The following CAPZB variants were observed in gnomAD, a reference collection of about 807,000 sequenced individuals.
CAPZB encodes capping actin protein of muscle Z-line subunit beta, also known as F-actin-capping protein subunit beta.
In CAPZB, 2 loss-of-function variants were observed where a neutral mutation model predicts 38.1. The observed-to-expected ratio is 0.05, with a 90% CI of 0.02 to 0.17. The LOEUF (loss-of-function observed/expected upper bound fraction) is 0.17. CAPZB is among the 10% of genes least tolerant of loss of function. The pLI is 1.00. For missense variants in CAPZB, 161 were observed against 334.2 expected (o/e 0.48, Z 4.04); for synonymous variants, 107 against 127.4 (o/e 0.84, Z 1.08).
intron 1 of CAPZB, chr1:19,484,714 G>A (rs1239050445): frequency 1.9e-6 from 2 of 1,072,936 alleles, no homozygotes; most frequent in Non-Finnish European, 2.3e-6. Flanking sequence ...CTGATGAGAG[G>A]CTCAGGGCGG....
At chr1:19,402,775 C>T (rs563263606) in intron 2 of CAPZB, among the ~76,000 whole-genome samples, 9 of 152,242 alleles carry the variant, frequency 5.9e-5, no homozygotes, top group African/African-American at 1.9e-4. Flanking sequence ...TGGCTGGGAG[C>T]GGTGGCTCAC....
At chr1:19,402,846 G>A (rs1158740795) in intron 2 of CAPZB, among the ~76,000 whole-genome samples, 2 of 152,136 alleles carry the variant, frequency 1.3e-5, no homozygotes, top group Admixed American at 6.5e-5. Flanking sequence ...TCAGGAGTTC[G>A]AGACCAGCAT....
chr1:19,468,643 C>CA (rs570846348), intron 1 of CAPZB, among the ~76,000 whole-genome samples: 241 of 152,266 alleles, frequency 1.6e-3, no homozygotes, highest in Non-Finnish European at 8.2e-4. Flanking sequence ...AGCCTCCTTC[C>CA]ACCCAGGACT....
chr1:19,482,149 A>G (rs1350030428), intron 1 of CAPZB, among the ~76,000 whole-genome samples: 1 of 152,140 alleles, frequency 6.6e-6, no homozygotes, highest in Non-Finnish European at 1.5e-5. Context: ...ATGGAATGTA[A>G]AAGTATAGGA....
intron 1 of CAPZB, among the ~76,000 whole-genome samples, chr1:19,467,874 G>C (rs148636685): frequency 2.0e-5 from 3 of 152,298 alleles, no homozygotes; most frequent in Admixed American, 2.0e-4. Flanking sequence ...CTGGGAACTA[G>C]AGCTTGAAAA....
At chr1:19,434,903 A>C (rs947038466) in intron 1 of CAPZB, among the ~76,000 whole-genome samples, 7 of 151,928 alleles carry the variant, frequency 4.6e-5, no homozygotes, top group African/African-American at 1.7e-4. Flanking sequence ...TGGGGGACAA[A>C]ACACCCAAAA....
intron 1 of CAPZB, among the ~76,000 whole-genome samples, chr1:19,457,900 A>G (rs1278284385): frequency 6.6e-6 from 1 of 152,206 alleles, no homozygotes; most frequent in African/African-American, 2.4e-5. Context: ...AAAGGGCAAC[A>G]TCAGGGAAGT....
At chr1:19,396,976 T>C (rs2094274522) in intron 2 of CAPZB, among the ~76,000 whole-genome samples, 1 of 151,724 alleles carries the variant, frequency 6.6e-6, no homozygotes, top group Non-Finnish European at 1.5e-5. Context: ...AAAAAGATTA[T>C]CGTATTGGCT....
intron 4 of CAPZB, among the ~76,000 whole-genome samples, chr1:19,368,026 A>G (rs2094099586): frequency 1.3e-5 from 2 of 152,206 alleles, no homozygotes; most frequent in Non-Finnish European, 2.9e-5. Flanking sequence ...TGGGCTTCCA[A>G]GTCATCACTC....
intron 2 of CAPZB, among the ~76,000 whole-genome samples, chr1:19,391,115 G>A (rs2094232041): frequency 1.3e-5 from 2 of 151,458 alleles, no homozygotes; most frequent in East Asian, 1.9e-4. Context: ...CTGATCACAC[G>A]AAGAGATACA....
At chr1:19,350,956 GTTTT>G (rs59455258) in intron 6 of CAPZB, among the ~76,000 whole-genome samples, 37,308 of 150,590 alleles carry the variant, frequency 0.25, 4,802 homozygotes, top group East Asian at 0.34. Flanking sequence ...GTGTAAAACA[GTTTT>G]TTGTTTCTAC....
At chr1:19,418,308 G>C (rs777588528) in intron 2 of CAPZB, among the ~76,000 whole-genome samples, 2 of 152,072 alleles carry the variant, frequency 1.3e-5, no homozygotes, top group African/African-American at 2.4e-5. Context: ...CTTCCCACAG[G>C]GGCCTGTGCC....
At position 19,452,787 on chromosome 1, in the gene CAPZB, T is replaced by G. The variant is rs563564397; in HGVS notation, c.3+32649A>C. On this transcript the variant is annotated intron_variant, in intron 1 of 8. Transcript: ENST00000264202. The stretch of plus-strand genomic sequence containing the variant: ...CCCCACCTTCGGCAGTCAGAATAAT[T>G]TCTTTCTTTTTTTTTTTTTTTTTTG... Among the ~76,000 whole-genome samples the G allele has an allele frequency of 6.2e-5, 8 of 129,030 alleles. No homozygotes were observed. In the South Asian group the frequency reaches 2.3e-3, roughly 37 times the overall value. 84.6% of individuals were successfully genotyped at this position (129,030 alleles called of 152,430 possible).
chr1:19,478,739 C>T (rs2094616189), intron 1 of CAPZB, among the ~76,000 whole-genome samples: 1 of 152,184 alleles, frequency 6.6e-6, no homozygotes, highest in African/African-American at 2.4e-5. Context: ...ATTAGGTCTA[C>T]CTGACTGCTC....
intron 1 of CAPZB, among the ~76,000 whole-genome samples, chr1:19,454,235 G>A (rs547115395): frequency 2.6e-5 from 4 of 152,338 alleles, no homozygotes; most frequent in South Asian, 4.1e-4. Context: ...CATCCCTGCA[G>A]TGCTGATAAT....
chr1:19,384,140 T>TC (rs978487468), intron 3 of CAPZB, among the ~76,000 whole-genome samples: 2 of 152,188 alleles, frequency 1.3e-5, no homozygotes, highest in East Asian at 1.9e-4. Context: ...ACTTCTTTTA[T>TC]CCCCCCAATA....
intron 6 of CAPZB, among the ~76,000 whole-genome samples, chr1:19,353,553 T>TCCCCTCTGACCCTCCCAGGGCTGC (rs1250110456): frequency 5.7e-4 from 87 of 152,188 alleles, no homozygotes; most frequent in African/African-American, 2.0e-3. Flanking sequence ...TGCAGGGCTG[T>TCCCCTCTGACCCTCCCAGGGCTGC]CCCCTCTGAC....
chr1:19,473,513 C>G (rs937054340), intron 1 of CAPZB, among the ~76,000 whole-genome samples: 16 of 152,282 alleles, frequency 1.1e-4, no homozygotes, highest in African/African-American at 3.9e-4. Context: ...CAGGATCTGT[C>G]CTTAGTGTGA....
At chr1:19,383,632 T>C (rs904658496) in intron 3 of CAPZB, among the ~76,000 whole-genome samples, 1 of 152,088 alleles carries the variant, frequency 6.6e-6, no homozygotes, top group Non-Finnish European at 1.5e-5. Flanking sequence ...AAGGATGAAT[T>C]TGATCGGCCT....
Sources: allele counts gnomAD v4.1 joint callset (sites outside exome capture counted in the v4.1 genomes callset), GRCh38; gene constraint gnomAD v4.1.1; transcripts MANE v1.5; gene names NCBI Gene and HGNC (gene_info 2026-07-23, HGNC 2026-07-21).